Variants in ERI1 observed in about 807,000 individuals in gnomAD.
The protein encoded by ERI1 is exoribonuclease 1.
In ERI1, 39 loss-of-function variants were observed where a neutral mutation model predicts 39.7. The ratio of observed to expected loss-of-function variants is 0.98; its 90% confidence interval spans 0.76 to 1.28. The LOEUF is 1.28. Among genes scored for constraint, ERI1 ranks in the 50% most tolerant of loss-of-function variants. The probability of loss-of-function intolerance (pLI) is 0.00; values close to 1 mark genes in which losing one functional copy is unlikely to be tolerated. For synonymous variants in ERI1, 204 were observed against 149.6 expected, an observed-to-expected ratio of 1.36 and a Z score of -2.65; for missense variants, 581 against 416.9, an observed-to-expected ratio of 1.39 and a Z score of -3.43.
intron 5 of ERI1, 109 bp from the exon 6 acceptor site, chr8:9,020,241 A>G (rs2117248124): frequency 1.9e-6 from 1 of 528,436 alleles, no homozygotes; most frequent in South Asian, 4.3e-5. Flanking sequence ...TTGATGTTAC[A>G]TTTGAATATG....
intron 5 of ERI1, among the ~76,000 whole-genome samples, chr8:9,020,046 G>T (rs1381251709): frequency 6.6e-6 from 1 of 152,124 alleles, no homozygotes; most frequent in Non-Finnish European, 1.5e-5. Flanking sequence ...AAGTCTGGCA[G>T]TAAAAGTAAG....
chr8:9,016,960 G>C (rs1421200438), intron 4 of ERI1, among the ~76,000 whole-genome samples: 1 of 152,214 alleles, frequency 6.6e-6, no homozygotes, highest in African/African-American at 2.4e-5. Flanking sequence ...TGGGATTACA[G>C]ACGTGAGCCA....
chr8:9,004,179 A>G (rs899967020), intron 1 of ERI1: 2 of 1,288,602 alleles, frequency 1.6e-6, no homozygotes, highest in East Asian at 5.5e-5. Flanking sequence ...CCTTGCAATT[A>G]TCTTTCTCCT....
rs188035845 is a variant in ERI1, at chr8:9,038,595, A to G, written n.299+18131A>G. Among the ~76,000 whole-genome samples the G allele has an allele frequency of 2.1e-3, 306 of 147,502 alleles. 1 individual carries two copies. Among genetic ancestry groups the G allele is most frequent in the Non-Finnish European group, 3.3e-3 (217 of 66,292 alleles). On this transcript the variant is annotated intron_variant and non_coding_transcript_variant, in intron 3 of 3. Coordinates refer to the ERI1 transcript ENST00000518663. ...AACATGGTGAAACCCTGTTTCTACA[A>G]AAAATTCAAAACTTAGCTGGGCGTG...
chr8:9,067,737 T>C (rs1364353708), intron 3 of ERI1, among the ~76,000 whole-genome samples: 1 of 152,022 alleles, frequency 6.6e-6, no homozygotes, highest in Non-Finnish European at 1.5e-5. Flanking sequence ...CCTCAAGTTT[T>C]AAAGAAGCTG....
intron 1 of ERI1, chr8:9,004,428 CT>C: frequency 3.3e-6 from 1 of 301,542 alleles, no homozygotes; most frequent in Non-Finnish European, 5.2e-6. Context: ...TCCAAATTGG[CT>C]TTAGTGACGG....
chr8:9,027,033 A>G, intron 6 of ERI1, among the ~76,000 whole-genome samples: 1 of 152,080 alleles, frequency 6.6e-6, no homozygotes. Flanking sequence ...TTTTTGAGGA[A>G]TCTCCACATT....
intron 3 of ERI1, among the ~76,000 whole-genome samples, chr8:9,093,548 A>C (rs1287048009): frequency 4.6e-5 from 7 of 151,738 alleles, no homozygotes; most frequent in African/African-American, 1.7e-4. Flanking sequence ...GAAAGTAAGA[A>C]AGTTTGTAAA....
intron 6 of ERI1, among the ~76,000 whole-genome samples, chr8:9,027,635 A>C (rs187868467): frequency 6.6e-6 from 1 of 152,138 alleles, no homozygotes; most frequent in Non-Finnish European, 1.5e-5. Flanking sequence ...TCTTTGATCA[A>C]TTTTAAGTTA....
intron 6 of ERI1, among the ~76,000 whole-genome samples, chr8:9,022,525 G>A (rs558878129): frequency 9.9e-4 from 150 of 152,150 alleles, no homozygotes; most frequent in African/African-American, 3.4e-3. Context: ...TCAGCATCCC[G>A]AGTAGCTGGG....
downstream of ERI1, among the ~76,000 whole-genome samples, chr8:9,037,689 A>G (rs182655077): frequency 3.3e-4 from 50 of 152,224 alleles, no homozygotes; most frequent in African/African-American, 1.2e-3. Context: ...TGCCGTGATG[A>G]ATGAGTTACT....
At chr8:9,067,828 A>T (rs1798929233) in intron 3 of ERI1, among the ~76,000 whole-genome samples, 1 of 141,188 alleles carries the variant, frequency 7.1e-6, no homozygotes, top group South Asian at 2.4e-4. Context: ...AAGTCAACAA[A>T]CTCCTGCCCC....
intron 3 of ERI1, among the ~76,000 whole-genome samples, chr8:9,063,851 A>C (rs1049320119): frequency 1.2e-4 from 19 of 152,132 alleles, no homozygotes; most frequent in African/African-American, 4.1e-4. Flanking sequence ...TTTAGGTTTT[A>C]GGTCAGGTGT....
chr8:9,097,686 A>G (rs1396433594), intron 3 of ERI1, among the ~76,000 whole-genome samples: 1 of 147,478 alleles, frequency 6.8e-6, no homozygotes, highest in Non-Finnish European at 1.5e-5. Flanking sequence ...AAAAAAAAAG[A>G]GTAATTTATC....
chr8:9,053,282 G>A (rs1798413651), intron 3 of ERI1, among the ~76,000 whole-genome samples: 1 of 152,186 alleles, frequency 6.6e-6, no homozygotes, highest in Admixed American at 6.5e-5. Flanking sequence ...CTCTCAAATT[G>A]CTGGGATTAT....
chr8:9,011,411 C>A, intron 2 of ERI1, 131 bp from the exon 3 acceptor site: 4 of 501,270 alleles, frequency 8.0e-6, no homozygotes, highest in East Asian at 3.0e-5. Flanking sequence ...GCTTTTCTTA[C>A]ATTTATTTTA....
chr8:9,077,610 A>G (rs1452468630), intron 3 of ERI1, among the ~76,000 whole-genome samples: 1 of 152,226 alleles, frequency 6.6e-6, no homozygotes, highest in Non-Finnish European at 1.5e-5. Context: ...TTATCTGCTT[A>G]TAATGCAGAG....
intron 3 of ERI1, among the ~76,000 whole-genome samples, chr8:9,046,642 A>G (rs75880735): frequency 0.018 from 2,792 of 152,290 alleles, 87 homozygotes; most frequent in African/African-American, 0.063. Flanking sequence ...CTCCCCAAAC[A>G]ACTCTGGAAA....
chr8:9,085,504 G>A (rs1277848751), intron 3 of ERI1, among the ~76,000 whole-genome samples: 4 of 151,944 alleles, frequency 2.6e-5, no homozygotes, highest in Admixed American at 6.6e-5. Flanking sequence ...CACCGCGCCC[G>A]GCCCTACCAT....
Sources: allele counts gnomAD v4.1 joint callset (sites outside exome capture counted in the v4.1 genomes callset), GRCh38; gene constraint gnomAD v4.1.1; transcripts MANE v1.5; gene names NCBI Gene and HGNC (gene_info 2026-07-23, HGNC 2026-07-21).